The following CNBD1 variants were observed in gnomAD, a reference collection of about 807,000 sequenced individuals.
CNBD1 encodes cyclic nucleotide binding domain containing 1.
A neutral mutation model predicts 54.4 loss-of-function variants in CNBD1; 71 were observed. The ratio of observed to expected loss-of-function variants is 1.30; its 90% CI spans 1.08 to 1.59. CNBD1 has a LOEUF of 1.59. Among genes scored for constraint, CNBD1 ranks in the 40% most tolerant of loss-of-function variants. The pLI, the probability that CNBD1 is intolerant of heterozygous loss-of-function variation, is 0.00. For missense variants in CNBD1, 659 were observed against 518.0 expected (o/e 1.27, Z -2.64); for synonymous variants, 182 against 170.7 (o/e 1.07, Z -0.51).
chr8:87,366,540 C>T (rs1402889618), intron 10 of CNBD1, among the ~76,000 whole-genome samples: 3 of 152,056 alleles, frequency 2.0e-5, no homozygotes, highest in African/African-American at 2.4e-5. Context: ...TAGGCCCACC[C>T]AGATAACCTG....
intron 2 of CNBD1, among the ~76,000 whole-genome samples, chr8:87,392,284 G>A (rs528202725): frequency 6.6e-6 from 1 of 151,904 alleles, no homozygotes; most frequent in Non-Finnish European, 1.5e-5. Flanking sequence ...CTATATTACT[G>A]AGCATTTCTA....
chr8:87,405,940 A>G (rs1563589523), intron 2 of CNBD1, among the ~76,000 whole-genome samples: 1 of 152,124 alleles, frequency 6.6e-6, no homozygotes, highest in Non-Finnish European at 1.5e-5. Flanking sequence ...ATAACACTTA[A>G]ATAGTATTCA....
At chr8:87,393,875 T>C (rs1811360110) in intron 2 of CNBD1, among the ~76,000 whole-genome samples, 1 of 151,748 alleles carries the variant, frequency 6.6e-6, no homozygotes, top group East Asian at 1.9e-4. Flanking sequence ...ATGTGAGTGT[T>C]AGTGAAAAGA....
chr8:87,329,393 G>T (rs998929374), intron 8 of CNBD1, among the ~76,000 whole-genome samples: 2 of 151,894 alleles, frequency 1.3e-5, no homozygotes, highest in African/African-American at 2.4e-5. Flanking sequence ...TGGGTCTTTT[G>T]CCTCTCCATA....
intron 1 of CNBD1, among the ~76,000 whole-genome samples, chr8:86,870,189 C>CCTTTTTTTTT (rs1554626453): frequency 5.0e-5 from 5 of 100,620 alleles, no homozygotes; most frequent in African/African-American, 8.0e-5. Context: ...AGATAGTACT[C>CCTTTTTTTTT]TTTTTTTTTT....
intron 10 of CNBD1, among the ~76,000 whole-genome samples, chr8:87,369,014 G>A (rs1402083836): frequency 6.6e-6 from 1 of 151,772 alleles, no homozygotes; most frequent in Non-Finnish European, 1.5e-5. Flanking sequence ...CTGCCTCCAG[G>A]ATCCATATTA....
Position 87,428,544 on chromosome 8 carries a change from A to G in CNBD1, c.214-2A>G, listed in dbSNP as rs899744794. On this transcript the variant is annotated splice_acceptor_variant, in intron 2 of 7. Coordinates refer to the CNBD1 transcript ENST00000521593. LOFTEE classifies it high-confidence loss of function. ...TAAGTGTTTTCTTCTGTTTTCATCT[A>G]GAATTAGACCCAGTGACCAAGCAAC... 8 of 444,104 alleles carry G rather than the reference A, an allele frequency of 1.8e-5. No individual in the cohort carries two copies. The highest frequency in any genetic ancestry group is 9.9e-5 in the Admixed American group (4 of 40,300). The allele number at this position is 444,104 out of a possible 1,614,324, so 27.5% of individuals were successfully genotyped here.
intron 4 of CNBD1, among the ~76,000 whole-genome samples, chr8:87,061,954 A>G (rs886770778): frequency 2.0e-5 from 3 of 152,158 alleles, no homozygotes; most frequent in African/African-American, 7.2e-5. Flanking sequence ...GCTTTTCAGG[A>G]TCTCTTTTCA....
intron 1 of CNBD1, among the ~76,000 whole-genome samples, chr8:86,882,165 A>G (rs1808614571): frequency 6.6e-6 from 1 of 152,202 alleles, no homozygotes; most frequent in Admixed American, 6.5e-5. Flanking sequence ...AACAAAAGCA[A>G]AATTGACAAA....
chr8:87,175,506 C>T (rs962577733), intron 4 of CNBD1, among the ~76,000 whole-genome samples: 1 of 152,182 alleles, frequency 6.6e-6, no homozygotes, highest in African/African-American at 2.4e-5. Flanking sequence ...CAAGAAGTTC[C>T]CTTCTGGCCC....
chr8:86,904,955 A>G (rs1808993721), intron 2 of CNBD1, 126 bp from the exon 3 acceptor site: 1 of 411,934 alleles, frequency 2.4e-6, no homozygotes, highest in Non-Finnish European at 4.3e-6. Flanking sequence ...TATATTTTAT[A>G]TTTTTGTTAG....
intron 6 of CNBD1, among the ~76,000 whole-genome samples, chr8:87,254,727 C>CT (rs1372779753): frequency 2.0e-5 from 3 of 152,276 alleles, no homozygotes; most frequent in Admixed American, 1.3e-4. Context: ...ATGTGAAGTG[C>CT]AATAGCACCC....
chr8:87,012,877 C>T (rs1809253894), intron 4 of CNBD1, among the ~76,000 whole-genome samples: 1 of 152,180 alleles, frequency 6.6e-6, no homozygotes, highest in Non-Finnish European at 1.5e-5. Context: ...ATAACTCATG[C>T]ATCCTAAAAT....
intron 8 of CNBD1, among the ~76,000 whole-genome samples, chr8:87,339,733 A>G (rs1225898975): frequency 6.6e-6 from 1 of 152,114 alleles, no homozygotes; most frequent in Non-Finnish European, 1.5e-5. Flanking sequence ...AACACCTTAT[A>G]GTTATAACTG....
At chr8:87,322,880 A>G (rs1470349446) in intron 8 of CNBD1, among the ~76,000 whole-genome samples, 2 of 118,292 alleles carry the variant, frequency 1.7e-5, no homozygotes, top group African/African-American at 6.5e-5. Flanking sequence ...GTCCTTGCCC[A>G]TGCCTAGGTC....
At chr8:87,394,802 A>C (rs1186782830) in intron 2 of CNBD1, among the ~76,000 whole-genome samples, 1 of 151,864 alleles carries the variant, frequency 6.6e-6, no homozygotes. Context: ...TAAATGTTTA[A>C]ATTTTATGGC....
chr8:87,389,253 C>T (rs545633439), intron 2 of CNBD1, among the ~76,000 whole-genome samples: 4 of 152,074 alleles, frequency 2.6e-5, no homozygotes, highest in African/African-American at 7.2e-5. Context: ...CTGGCCAGGG[C>T]AATCAGGCAG....
At chr8:87,323,861 G>A (rs1586013093) in intron 8 of CNBD1, among the ~76,000 whole-genome samples, 1 of 132,214 alleles carries the variant, frequency 7.6e-6, no homozygotes, top group African/African-American at 2.8e-5. Context: ...TGGTGAGAGA[G>A]GGCATCTCTG....
chr8:87,024,719 T>C (rs1369961732), intron 4 of CNBD1, among the ~76,000 whole-genome samples: 1 of 152,178 alleles, frequency 6.6e-6, no homozygotes, highest in Admixed American at 6.5e-5. Flanking sequence ...TTTTGATACT[T>C]TCAACTTCAT....
Sources: allele counts gnomAD v4.1 joint callset (sites outside exome capture counted in the v4.1 genomes callset), GRCh38; gene constraint gnomAD v4.1.1; transcripts MANE v1.5; gene names NCBI Gene and HGNC (gene_info 2026-07-23, HGNC 2026-07-21).